Variants in ARHGAP21 observed in about 807,000 individuals in gnomAD.
The protein encoded by ARHGAP21 is rho GTPase-activating protein 21.
Under a neutral mutation model 164.6 loss-of-function variants are expected in ARHGAP21, and 38 were observed. The ratio of observed to expected loss-of-function variants is 0.23; its 90% confidence interval spans 0.18 to 0.30. The LOEUF is 0.30. Among genes scored for constraint, ARHGAP21 ranks in the 10% least tolerant of loss-of-function variants. The pLI is 1.00. For missense variants in ARHGAP21, 1,822 were observed against 2,370.7 expected, an observed-to-expected ratio of 0.77 and a Z score of 4.81; for synonymous variants, 766 against 857.9, an observed-to-expected ratio of 0.89 and a Z score of 1.87.
chr10:24,664,057 C>G (rs1839952075), intron 4 of ARHGAP21, among the ~76,000 whole-genome samples: 1 of 152,208 alleles, frequency 6.6e-6, no homozygotes, highest in Non-Finnish European at 1.5e-5. Flanking sequence ...ATTAAGGAAC[C>G]ACTTTAAAAA....
intron 2 of ARHGAP21, among the ~76,000 whole-genome samples, chr10:24,704,761 G>A (rs555830571): frequency 7.9e-5 from 12 of 152,048 alleles, no homozygotes; most frequent in Admixed American, 5.2e-4. Context: ...GAGCCACCGC[G>A]TCTGGTGGTA....
intron 4 of ARHGAP21, among the ~76,000 whole-genome samples, chr10:24,662,482 G>C (rs1839803373): frequency 6.6e-6 from 1 of 152,174 alleles, no homozygotes; most frequent in Non-Finnish European, 1.5e-5. Context: ...TACAGGGTTA[G>C]AGTGAGGATT....
Position 24,607,855 on chromosome 10 carries a change from G to A in ARHGAP21, c.2471C>T (p.Ala824Val), listed in dbSNP as rs757527413. 1.7e-5 allele frequency: 27 copies of A among 1,613,960 alleles called. No homozygotes were observed. The highest frequency in any genetic ancestry group is 2.1e-5 in the Non-Finnish European group (25 of 1,179,978). The change falls in exon 10 of 26, where the codon GCC (alanine) becomes GTC (valine). Residue 824 changes from alanine (A) to valine (V), a missense_variant. Around this residue, in one of 5 missense-constraint regions of ARHGAP21, gnomAD observed 1,090 missense variants for 1,378.9 expected, o/e 0.79. Transcript: ENST00000396432. ...SIDHDIAHIPASAVISASTSQ... is the reference protein window; with the variant it reads ...SIDHDIAHIPVSAVISASTSQ... ...GGTAGAGGCTGATATAACAGCAGAGGCAGGGATATGTGCAATATCATGATC... is the reference window on the plus strand; with the variant it reads ...GGTAGAGGCTGATATAACAGCAGAGACAGGGATATGTGCAATATCATGATC...
chr10:24,710,867 G>A (rs375848438), intron 2 of ARHGAP21, among the ~76,000 whole-genome samples: 5 of 152,106 alleles, frequency 3.3e-5, no homozygotes, highest in Non-Finnish European at 2.9e-5. Context: ...AGGCCAAGGC[G>A]GGTGGATCCC....
rs115844628 is a variant in ARHGAP21, at chr10:24,611,067, T to C, written c.2423-3164A>G. ...TCCTCTTCGTGTTCCGCAAGATAAC[T>C]ACAGAGAGTGTCTATGCTTGTCTAT... On this transcript the variant is annotated intron_variant, in intron 9 of 25. Transcript: ENST00000396432. Among the ~76,000 whole-genome samples the C allele has an allele frequency of 8.3e-3, 1,260 of 152,330 alleles. 15 individuals are homozygous for C. The highest frequency in any genetic ancestry group is 0.027 in the African/African-American group (1,120 of 41,576).
At chr10:24,716,957 G>A (rs1845450833) in intron 2 of ARHGAP21, among the ~76,000 whole-genome samples, 1 of 152,204 alleles carries the variant, frequency 6.6e-6, no homozygotes, top group South Asian at 2.1e-4. Context: ...TATTCAAATG[G>A]AGATTCTAGG....
Position 24,604,317 on chromosome 10 carries a change from T to C in ARHGAP21, c.2716A>G (p.Ile906Val), listed in dbSNP as rs201415705. The change falls in exon 12 of 26, where the codon ATC becomes GTC. Residue 906 changes from isoleucine to valine, a missense_variant. Around this residue, in one of 5 missense-constraint regions of ARHGAP21, gnomAD observed 1,090 missense variants for 1,378.9 expected, o/e 0.79. Coordinates refer to ENST00000396432, the MANE Select transcript of ARHGAP21 (RefSeq NM_020824.4). Reference sequence around the variant, plus strand: ...AGAAACACTCTAATACCAACCTTGATTCCCTTCAGACTAGATACGTGCTTA... The same window carrying C: ...AGAAACACTCTAATACCAACCTTGACTCCCTTCAGACTAGATACGTGCTTA... ...SFKHVSSLKG[I>V]KIADSQKSSE... 2 of 1,589,786 alleles carry C rather than the reference T, an allele frequency of 1.3e-6. No homozygotes were observed. Among genetic ancestry groups the C allele is most frequent in the East Asian group, 2.3e-5 (1 of 44,042 alleles).
chr10:24,638,682 C>T (rs533356923), intron 4 of ARHGAP21, among the ~76,000 whole-genome samples: 1 of 152,276 alleles, frequency 6.6e-6, no homozygotes, highest in Admixed American at 6.5e-5. Flanking sequence ...GGACATGTTT[C>T]AAAGAACTGT....
intron 7 of ARHGAP21, among the ~76,000 whole-genome samples, chr10:24,623,085 C>T (rs1187871514): frequency 1.3e-5 from 2 of 152,158 alleles, no homozygotes; most frequent in Non-Finnish European, 2.9e-5. Context: ...AGCTTCCCTC[C>T]ACGAAAGCAA....
chr10:24,640,487 A>AT (rs751763828), intron 4 of ARHGAP21, among the ~76,000 whole-genome samples: 26 of 152,064 alleles, frequency 1.7e-4, no homozygotes, highest in Non-Finnish European at 3.7e-4. Context: ...AAAAATCTCT[A>AT]TCTTTATACA....
chr10:24,705,070 C>T (rs1844105609), intron 2 of ARHGAP21, among the ~76,000 whole-genome samples: 1 of 152,136 alleles, frequency 6.6e-6, no homozygotes, highest in Admixed American at 6.5e-5. Context: ...TATTGCAACT[C>T]AAATTAAATT....
chr10:24,622,604 T>A, intron 8 of ARHGAP21, 129 bp downstream of exon 8: 1 of 968,760 alleles, frequency 1.0e-6, no homozygotes, highest in South Asian at 1.9e-5. Flanking sequence ...ATTCTGCAAA[T>A]TAGTAAGATT....
chr10:24,636,543 T>C (rs1203345362), intron 4 of ARHGAP21, among the ~76,000 whole-genome samples: 1 of 152,208 alleles, frequency 6.6e-6, no homozygotes, highest in Non-Finnish European at 1.5e-5. Flanking sequence ...ACAGCAATAC[T>C]GGGCAAAAAA....
At chr10:24,675,765 T>C (rs1412996163) in intron 2 of ARHGAP21, among the ~76,000 whole-genome samples, 1 of 152,192 alleles carries the variant, frequency 6.6e-6, no homozygotes, top group Non-Finnish European at 1.5e-5. Context: ...GGGGAGTTCC[T>C]AAGGGTTCAT....
At chr10:24,662,103 G>T (rs1839756997) in intron 4 of ARHGAP21, among the ~76,000 whole-genome samples, 1 of 152,152 alleles carries the variant, frequency 6.6e-6, no homozygotes, top group South Asian at 2.1e-4. Context: ...AACAAGTGAT[G>T]GTTGCTCCTG....
intron 2 of ARHGAP21, among the ~76,000 whole-genome samples, chr10:24,690,916 TAGAA>T (rs945794479): frequency 6.6e-6 from 1 of 150,950 alleles, no homozygotes; most frequent in African/African-American, 2.4e-5. Flanking sequence ...ATATAAAACA[TAGAA>T]AGGCAGATAC....
At chr10:24,633,871 G>GTC (rs1303552621) in intron 5 of ARHGAP21, among the ~76,000 whole-genome samples, 3 of 117,402 alleles carry the variant, frequency 2.6e-5, no homozygotes, top group African/African-American at 9.2e-5. Context: ...CACGTACCCT[G>GTC]TCTTTTTTTC....
At chr10:24,709,649 A>G (rs1844575800) in intron 2 of ARHGAP21, among the ~76,000 whole-genome samples, 1 of 151,892 alleles carries the variant, frequency 6.6e-6, no homozygotes, top group Non-Finnish European at 1.5e-5. Flanking sequence ...CTGGACAGAA[A>G]GACTGCTTGA....
intron 9 of ARHGAP21, among the ~76,000 whole-genome samples, chr10:24,610,714 A>G (rs2077221207): frequency 6.6e-6 from 1 of 152,210 alleles, no homozygotes; most frequent in South Asian, 2.1e-4. Context: ...AATATTTTAG[A>G]AAAACATCTT....
Sources: allele counts gnomAD v4.1 joint callset (sites outside exome capture counted in the v4.1 genomes callset), GRCh38; gene constraint gnomAD v4.1.1; regional missense constraint gnomAD v4.1.1; transcripts MANE v1.5; gene names NCBI Gene and HGNC (gene_info 2026-07-23, HGNC 2026-07-21).